Variants in LMF1 observed in about 807,000 individuals in gnomAD.
LMF1 encodes the protein transmembrane protein 112.
LMF1 carries 68 observed loss-of-function variants against 60.6 expected under a neutral mutation model. The observed-to-expected ratio is 1.12, with a 90% CI of 0.92 to 1.37. The LOEUF is 1.37. Among genes scored for constraint, LMF1 ranks in the 40% most tolerant of loss-of-function variants. The pLI is 0.00. For missense variants in LMF1, 948 were observed against 767.2 expected (o/e 1.24, Z -2.78); for synonymous variants, 418 against 324.7 (o/e 1.29, Z -3.09).
chr16:935,571 T>TGAAAAAA (rs2071917011), intron 2 of LMF1, among the ~76,000 whole-genome samples: 2 of 142,400 alleles, frequency 1.4e-5, no homozygotes, highest in South Asian at 4.5e-4. Context: ...GCTGATGAGC[T>TGAAAAAA]AAAAAAAAAA....
chr16:954,114 C>T, intron 2 of LMF1: 1 of 627,814 alleles, frequency 1.6e-6, no homozygotes. Context: ...AGTAAGCTGG[C>T]AACGCAGTCC....
Position 853,721 on chromosome 16 carries a change from G to C in LMF1, c.*811C>G. ...TCAAGAATAGGAATAAGAAAAATGT[G>C]CAGTAGACGCTGTTTGTCCGACGAT... On this transcript the variant is annotated 3_prime_UTR_variant, in exon 11 of 11. Transcript: ENST00000262301. The C allele has an allele frequency of 2.2e-6, 1 of 454,142 alleles. No individual in the cohort carries two copies. Among genetic ancestry groups the C allele is most frequent in the Non-Finnish European group, 4.4e-6 (1 of 226,786 alleles). 28.1% of individuals were successfully genotyped at this position (454,142 alleles called of 1,614,324 possible). A position where few individuals can be genotyped will look rare whatever the true frequency, so the allele number is the denominator to read the frequency against.
At chr16:978,162 A>G (rs969812887) in intron 1 of LMF1, among the ~76,000 whole-genome samples, 6 of 149,274 alleles carry the variant, frequency 4.0e-5, no homozygotes, top group African/African-American at 1.2e-4. Flanking sequence ...ACACACACAC[A>G]CACCACACAC....
In LMF1 at chr16:878,251, G is replaced by A. The variant is rs1028319383; in HGVS notation, c.897+1319C>T. On this transcript the variant is annotated intron_variant, in intron 6 of 10. Transcript: ENST00000262301. This position sits in a 1 kb window ranked among gnomAD's most constrained non-coding sequence, Gnocchi z 5.2. Reference sequence around the variant, plus strand: ...TGGGGGACGATCTGTGAGCAAGTCCGTTCTTCCCACTTAGATTCACGGCGA... The same window carrying A: ...TGGGGGACGATCTGTGAGCAAGTCCATTCTTCCCACTTAGATTCACGGCGA... 7.2e-5 allele frequency among the ~76,000 whole-genome samples: 11 copies of A among 152,136 alleles called. 1 individual carries two copies. Among genetic ancestry groups the A allele is most frequent in the Admixed American group, 7.2e-4 (11 of 15,276 alleles).
intron 1 of LMF1, among the ~76,000 whole-genome samples, chr16:966,094 T>C (rs72769434): frequency 0.03 from 4,493 of 151,848 alleles, 83 homozygotes; most frequent in South Asian, 0.11. Flanking sequence ...GCCAGAAGGG[T>C]GTCGGCAGCC....
At chr16:965,138 GT>G (rs2072898783) in intron 1 of LMF1, among the ~76,000 whole-genome samples, 1 of 152,248 alleles carries the variant, frequency 6.6e-6, no homozygotes, top group African/African-American at 2.4e-5. Context: ...AGTCCAGGCT[GT>G]CCCCGTCACT....
chr16:871,426 G>T (rs531327980), intron 6 of LMF1, 85 bp from the exon 7 acceptor site: 236 of 1,373,668 alleles, frequency 1.7e-4, no homozygotes, highest in Non-Finnish European at 2.2e-4. Flanking sequence ...GGAGCAGGGA[G>T]GGGGGAGGGA....
At position 878,202 on chromosome 16, in the gene LMF1, CAG is replaced by C. The variant is rs1436962937; in HGVS notation, c.897+1366_897+1367del. 5.3e-5 allele frequency among the ~76,000 whole-genome samples: 8 copies of C among 152,302 alleles called. No individual in the cohort carries two copies. The highest frequency in any genetic ancestry group is 2.0e-4 in the Admixed American group (3 of 15,302). On this transcript the variant is annotated intron_variant, in intron 6 of 10. Transcript: ENST00000262301. The surrounding 1 kb of genome is among the most constrained non-coding windows in gnomAD (Gnocchi z 5.2). The stretch of plus-strand genomic sequence containing the variant: ...CTATTCCAGGAGCCCTGAGCAGCTG[CAG>C]AGAGAAACGTGCGGTCCTGGCTGGG...
rs1286939024 is a variant in LMF1, at chr16:960,489, G to A, written c.194-5823C>T. Among the ~76,000 whole-genome samples, 4 of 132,738 alleles carry A rather than the reference G, an allele frequency of 3.0e-5. 1 individual carries two copies. Among genetic ancestry groups the A allele is most frequent in the Non-Finnish European group, 4.9e-5 (3 of 60,666 alleles). 87.1% of individuals were successfully genotyped at this position (132,738 alleles called of 152,430 possible). On this transcript the variant is annotated intron_variant, in intron 1 of 10. Coordinates refer to ENST00000262301, the MANE Select transcript of LMF1 (RefSeq NM_022773.4). ...GATCACGACCCAGACACAGACTCACGGTGACAACACTGGATCACAACCCAG... is the reference window on the plus strand; with the variant it reads ...GATCACGACCCAGACACAGACTCACAGTGACAACACTGGATCACAACCCAG...
At chr16:939,972 G>C (rs966392301) in intron 2 of LMF1, among the ~76,000 whole-genome samples, 1 of 152,160 alleles carries the variant, frequency 6.6e-6, no homozygotes, top group Admixed American at 6.5e-5. Context: ...AGGATCTCGA[G>C]GTGAGGGCGT....
intron 4 of LMF1, chr16:900,713 G>A (rs1435237123): frequency 2.7e-5 from 4 of 150,474 alleles, no homozygotes; most frequent in Non-Finnish European, 4.4e-5. Flanking sequence ...GTGTGTGTGT[G>A]TGTGTGTGTG....
chr16:940,313 G>A (rs771818870), intron 2 of LMF1, among the ~76,000 whole-genome samples: 3 of 152,102 alleles, frequency 2.0e-5, no homozygotes, highest in African/African-American at 4.8e-5. Context: ...GCAGAATGCC[G>A]CCATGCATCT....
At chr16:901,822 G>C (rs571627818) in intron 4 of LMF1, 1 of 152,454 alleles carries the variant, frequency 6.6e-6, no homozygotes, top group Non-Finnish European at 1.5e-5. Context: ...TGCCCCGCCT[G>C]TGTCTGCAAG....
intron 4 of LMF1, chr16:904,184 T>C (rs2070906346): frequency 1.0e-5 from 1 of 98,326 alleles, no homozygotes; most frequent in Non-Finnish European, 1.8e-5. Flanking sequence ...GACGCCTGTC[T>C]CTGCTGCGTG....
rs1186543296 is a variant in LMF1, at chr16:953,524, GCCTCCTACATATCCACACA to G, written c.503+814_503+832del. On this transcript the variant is annotated intron_variant, in intron 2 of 10. Transcript: ENST00000262301. ...ACGTCCACACAGACACCCCAAACCAGCCTCCTACATATCCACACAGACACCCCAAACCAGCCTCCTACAT... is the reference window on the plus strand; with the variant it reads ...ACGTCCACACAGACACCCCAAACCAGGACACCCCAAACCAGCCTCCTACAT... Among the ~76,000 whole-genome samples, 9 of 1,846 alleles carry G rather than the reference GCCTCCTACATATCCACACA, an allele frequency of 4.9e-3. 4 individuals are homozygous for G. Among genetic ancestry groups the G allele is most frequent in the East Asian group, 0.17 (2 of 12 alleles). 1.2% of individuals were successfully genotyped at this position (1,846 alleles called of 152,430 possible). A position where few individuals can be genotyped will look rare whatever the true frequency, so the allele number is the denominator to read the frequency against.
chr16:875,380 C>A (rs1012444357), intron 6 of LMF1, among the ~76,000 whole-genome samples: 4 of 152,150 alleles, frequency 2.6e-5, no homozygotes, highest in Non-Finnish European at 5.9e-5. Context: ...TCTCATCTAA[C>A]CCCCTGGCCA....
intron 4 of LMF1, chr16:901,168 T>A (rs2070802175): frequency 6.6e-6 from 1 of 152,242 alleles, no homozygotes; most frequent in Non-Finnish European, 1.5e-5. Flanking sequence ...TCTCCTCTAC[T>A]GATATTGTCC....
chr16:924,499 A>T (rs950448895), intron 3 of LMF1, among the ~76,000 whole-genome samples: 3 of 152,214 alleles, frequency 2.0e-5, no homozygotes, highest in South Asian at 2.1e-4. Context: ...GGCCACCTGT[A>T]AAACCCTGAG....
chr16:957,461 A>G (rs4984621), intron 1 of LMF1, among the ~76,000 whole-genome samples: 1 of 151,936 alleles, frequency 6.6e-6, no homozygotes, highest in South Asian at 2.1e-4. Flanking sequence ...AACTATATGA[A>G]GAGATAGACC....
Sources: gnomAD v4.1 joint callset for allele counts (sites outside exome capture counted in the v4.1 genomes callset) on GRCh38, gnomAD v4.1.1 for gene constraint, Gnocchi (gnomAD v3.1) non-coding constraint, MANE v1.5 for transcripts, NCBI Gene and HGNC (gene_info 2026-07-23, HGNC 2026-07-21) for gene names.